ZNF407: variants seen among roughly 807,000 people sequenced by gnomAD.
ZNF407 encodes the protein zinc finger protein 407.
A neutral mutation model predicts 131.2 loss-of-function variants in ZNF407; 17 were observed. That is an observed-to-expected ratio of 0.13 (90% confidence interval 0.09 to 0.19). The LOEUF is 0.19. ZNF407 is among the 10% of genes least tolerant of loss of function. The pLI, the probability that ZNF407 is intolerant of heterozygous loss-of-function variation, is 1.00. For synonymous variants in ZNF407, 1,156 were observed against 1,062.0 expected, an observed-to-expected ratio of 1.09 and a Z score of -1.72; for missense variants, 2,681 against 2,830.6, an observed-to-expected ratio of 0.95 and a Z score of 1.20.
chr18:74,690,916 T>C (rs1373433866), intron 3 of ZNF407, among the ~76,000 whole-genome samples: 1 of 152,240 alleles, frequency 6.6e-6, no homozygotes, highest in African/African-American at 2.4e-5. Context: ...AGCTTTTCAA[T>C]ACTTGTGGAA....
chr18:75,050,927 C>A (rs780044939), intron 8 of ZNF407, among the ~76,000 whole-genome samples: 7 of 152,202 alleles, frequency 4.6e-5, no homozygotes, highest in Non-Finnish European at 8.8e-5. Context: ...CTTTCTCTTA[C>A]CTGGAGGATG....
At chr18:74,845,705 A>G (rs1970693511) in intron 4 of ZNF407, among the ~76,000 whole-genome samples, 1 of 152,252 alleles carries the variant, frequency 6.6e-6, no homozygotes, top group Non-Finnish European at 1.5e-5. Flanking sequence ...CAAGGAAAAG[A>G]TTGAGTTTAA....
intron 3 of ZNF407, among the ~76,000 whole-genome samples, chr18:74,699,123 G>T (rs1289029130): frequency 6.6e-6 from 1 of 151,648 alleles, no homozygotes; most frequent in Admixed American, 6.6e-5. Flanking sequence ...TTTTTTTAAC[G>T]TTCTGGCACT....
intron 8 of ZNF407, among the ~76,000 whole-genome samples, chr18:75,060,751 C>T (rs1410386217): frequency 1.3e-5 from 2 of 151,550 alleles, no homozygotes; most frequent in Non-Finnish European, 2.9e-5. Context: ...GTGATCCGTC[C>T]GCCTCGGCCT....
intron 4 of ZNF407, among the ~76,000 whole-genome samples, chr18:74,786,325 T>C (rs1459205100): frequency 6.6e-6 from 1 of 152,212 alleles, no homozygotes; most frequent in African/African-American, 2.4e-5. Flanking sequence ...CTCTGATATA[T>C]TCTTCATGGG....
At chr18:74,896,663 G>A (rs960164427) in intron 7 of ZNF407, among the ~76,000 whole-genome samples, 1 of 152,150 alleles carries the variant, frequency 6.6e-6, no homozygotes, top group Non-Finnish European at 1.5e-5. Flanking sequence ...GCTTTGAAAG[G>A]TTCTCCTAGC....
chr18:74,660,258 A>T (rs886126460), intron 3 of ZNF407, among the ~76,000 whole-genome samples: 10 of 152,090 alleles, frequency 6.6e-5, no homozygotes, highest in African/African-American at 2.2e-4. Flanking sequence ...TTTTTTATTC[A>T]TCATTGGTCA....
chr18:74,804,787 G>A (rs897426520), intron 4 of ZNF407, among the ~76,000 whole-genome samples: 1 of 152,132 alleles, frequency 6.6e-6, no homozygotes, highest in Non-Finnish European at 1.5e-5. Context: ...TTTCACAATT[G>A]AAAATGTCAG....
At chr18:74,788,301 A>G (rs560948574) in intron 4 of ZNF407, among the ~76,000 whole-genome samples, 1 of 152,246 alleles carries the variant, frequency 6.6e-6, no homozygotes, top group South Asian at 2.1e-4. Flanking sequence ...GGAAGTGCAT[A>G]TATCTTTAGC....
intron 3 of ZNF407, among the ~76,000 whole-genome samples, chr18:74,650,887 C>T (rs1200839163): frequency 6.6e-6 from 1 of 152,004 alleles, no homozygotes; most frequent in Non-Finnish European, 1.5e-5. Context: ...ACTACATTTC[C>T]ATTTCTGTAG....
chr18:75,014,208 C>T (rs1973016879), intron 8 of ZNF407, among the ~76,000 whole-genome samples: 1 of 152,050 alleles, frequency 6.6e-6, no homozygotes, highest in Non-Finnish European at 1.5e-5. Context: ...AAAGTGTTTA[C>T]ATTGGGATTT....
chr18:74,878,878 C>CA lies in ZNF407; in HGVS notation c.5044+1517dup, dbSNP rs915458426. ...TGGCTGCTGATCAAACCTAACACCC[C>CA]AACCCACTCCAAAAAAAAAAAAAAA... On this transcript the variant is annotated intron_variant, in intron 5 of 8. Coordinates refer to ENST00000299687, the MANE Select transcript of ZNF407 (RefSeq NM_017757.3). Among the ~76,000 whole-genome samples, 66 of 145,616 alleles carry CA rather than the reference C, an allele frequency of 4.5e-4. 1 individual carries two copies. The highest frequency in any genetic ancestry group is 1.1e-4 in the Non-Finnish European group (7 of 66,542).
At position 75,048,250 on chromosome 18, in the gene ZNF407, C is replaced by T. The variant is rs575874850; in HGVS notation, c.5429-14900C>T. Among the ~76,000 whole-genome samples, 1 of 152,182 alleles carries T rather than the reference C, an allele frequency of 6.6e-6. No homozygotes were observed. The highest frequency in any genetic ancestry group is 6.5e-5 in the Admixed American group (1 of 15,280). On this transcript the variant is annotated intron_variant, in intron 8 of 8. Transcript: ENST00000299687. This position sits in a 1 kb window ranked among gnomAD's most constrained non-coding sequence, Gnocchi z 4.1. ...GTATTCTGATTTCACTGATTAATTT[C>T]GTGGTCTTTCTGGTATTATGCGTCA...
At chr18:75,050,149 T>C (rs1489856960) in intron 8 of ZNF407, among the ~76,000 whole-genome samples, 1 of 152,222 alleles carries the variant, frequency 6.6e-6, no homozygotes, top group African/African-American at 2.4e-5. Flanking sequence ...TCAGGTGATA[T>C]GAACTGAACT....
intron 8 of ZNF407, among the ~76,000 whole-genome samples, chr18:75,045,169 G>A (rs1379170582): frequency 6.6e-6 from 1 of 152,128 alleles, no homozygotes; most frequent in Non-Finnish European, 1.5e-5. Flanking sequence ...ACATGTGCCT[G>A]TGTATGTGCA....
chr18:74,638,572 C>T (rs1291349954), intron 2 of ZNF407, among the ~76,000 whole-genome samples: 3 of 152,146 alleles, frequency 2.0e-5, no homozygotes, highest in South Asian at 2.1e-4. Flanking sequence ...GAGGAGCCCT[C>T]GTAGGCCTGA....
chr18:74,850,214 G>C (rs1176765379), intron 4 of ZNF407, among the ~76,000 whole-genome samples: 1 of 152,122 alleles, frequency 6.6e-6, no homozygotes, highest in African/African-American at 2.4e-5. Flanking sequence ...AAATGTTTTA[G>C]TGAAACACTG....
intron 3 of ZNF407, among the ~76,000 whole-genome samples, chr18:74,670,655 G>A (rs1986105359): frequency 6.6e-6 from 1 of 152,172 alleles, no homozygotes; most frequent in Non-Finnish European, 1.5e-5. Context: ...GGTAAAAGAT[G>A]CATAACATAA....
chr18:74,810,470 C>T (rs1006111768), intron 4 of ZNF407, among the ~76,000 whole-genome samples: 1 of 151,844 alleles, frequency 6.6e-6, no homozygotes, highest in African/African-American at 2.4e-5. Flanking sequence ...CAGTCATATC[C>T]TGTTCTTGGT....
Sources: allele counts gnomAD v4.1 joint callset (sites outside exome capture counted in the v4.1 genomes callset), GRCh38; gene constraint gnomAD v4.1.1; non-coding constraint Gnocchi (gnomAD v3.1); transcripts MANE v1.5; gene names NCBI Gene and HGNC (gene_info 2026-07-23, HGNC 2026-07-21).